ATXN1: variants seen among roughly 807,000 people sequenced by gnomAD.
ATXN1 encodes ataxin 1.
Under a neutral mutation model 56.4 loss-of-function variants are expected in ATXN1, and 8 were observed. The observed-to-expected ratio is 0.14, with a 90% CI of 0.08 to 0.26. ATXN1 has a LOEUF of 0.26. Among genes scored for constraint, ATXN1 ranks in the 10% least tolerant of loss-of-function variants. The probability of loss-of-function intolerance (pLI) is 1.00; values close to 1 mark genes in which losing one functional copy is unlikely to be tolerated. For missense variants in ATXN1, 987 were observed against 1,106.5 expected (o/e 0.89, Z 1.53); for synonymous variants, 514 against 494.6 (o/e 1.04, Z -0.52).
chr6:16,359,463 C>A (rs761555923), intron 6 of ATXN1, among the ~76,000 whole-genome samples: 2 of 152,110 alleles, frequency 1.3e-5, no homozygotes, highest in Non-Finnish European at 2.9e-5. Flanking sequence ...GGAGTACCCT[C>A]TCTGCTGATA....
At chr6:16,718,044 C>T (rs1759673412) in intron 2 of ATXN1, among the ~76,000 whole-genome samples, 1 of 152,206 alleles carries the variant, frequency 6.6e-6, no homozygotes, top group Non-Finnish European at 1.5e-5. Flanking sequence ...ATAAGAGCAA[C>T]AGCCAAATAT....
At chr6:16,678,100 A>G in intron 2 of ATXN1, among the ~76,000 whole-genome samples, 1 of 152,246 alleles carries the variant, frequency 6.6e-6, no homozygotes, top group East Asian at 1.9e-4. Context: ...AGGGAAAAAA[A>G]AGTCTCTTCA....
intron 4 of ATXN1, among the ~76,000 whole-genome samples, chr6:16,546,956 T>C (rs1334796540): frequency 6.6e-6 from 1 of 152,200 alleles, no homozygotes. Flanking sequence ...ATAATATAAA[T>C]CAACATTTCC....
chr6:16,751,673 A>C (rs1760722930), intron 2 of ATXN1, among the ~76,000 whole-genome samples: 1 of 152,178 alleles, frequency 6.6e-6, no homozygotes, highest in Non-Finnish European at 1.5e-5. Context: ...AACAAATAAA[A>C]GGCTCCTTGG....
intron 6 of ATXN1, among the ~76,000 whole-genome samples, chr6:16,448,604 T>C (rs1759681643): frequency 2.0e-5 from 3 of 152,234 alleles, no homozygotes; most frequent in South Asian, 4.1e-4. Context: ...CTATGAGTCT[T>C]AGCACAGAGA....
At chr6:16,374,253 G>A (rs368527516) in intron 6 of ATXN1, among the ~76,000 whole-genome samples, 15 of 151,978 alleles carry the variant, frequency 9.9e-5, no homozygotes, top group East Asian at 5.8e-4. Flanking sequence ...TCAGTTAAGT[G>A]CAAAAATTGA....
intron 7 of ATXN1, among the ~76,000 whole-genome samples, chr6:16,311,734 A>C (rs928580214): frequency 1.4e-5 from 2 of 138,554 alleles, no homozygotes; most frequent in African/African-American, 6.0e-5. Flanking sequence ...CAAACCTCTT[A>C]GAGTCATTAA....
In ATXN1 at chr6:16,327,736, C is replaced by G. The variant is rs746463571; in HGVS notation, c.575G>C (p.Gly192Ala). 13 of 1,592,452 alleles carry G rather than the reference C, an allele frequency of 8.2e-6. No individual in the cohort carries two copies. The highest frequency in any genetic ancestry group is 6.0e-6 in the Non-Finnish European group (7 of 1,171,750). Reference sequence around the variant, plus strand: ...CTGCTGCTGCTGCTCAGCCTTGTGTCCCGGCGTCTGGCTCAGACTGCCCAT... The same window carrying G: ...CTGCTGCTGCTGCTCAGCCTTGTGTGCCGGCGTCTGGCTCAGACTGCCCAT... ...ANMGSLSQTP[G>A]HKAEQQQQQQ... The change falls in exon 7 of 8, where the codon GGA (glycine) becomes GCA (alanine). Residue 192 changes from glycine (G) to alanine (A), a missense_variant. Coordinates refer to ENST00000436367, the MANE Select transcript of ATXN1 (RefSeq NM_001128164.2).
intron 3 of ATXN1, chr6:16,653,015 A>G (rs1411089989): frequency 6.6e-6 from 1 of 152,138 alleles, no homozygotes; most frequent in Non-Finnish European, 1.5e-5. Context: ...CAGCCAAATA[A>G]AAGAGAAAAA....
intron 6 of ATXN1, among the ~76,000 whole-genome samples, chr6:16,375,997 G>GTGCCCCATGGCACAGC (rs1455798041): frequency 6.6e-6 from 1 of 152,222 alleles, no homozygotes; most frequent in Non-Finnish European, 1.5e-5. Flanking sequence ...CTGGGCACTG[G>GTGCCCCATGGCACAGC]TGCCCCATGG....
At chr6:16,526,915 C>A (rs888541206) in intron 4 of ATXN1, among the ~76,000 whole-genome samples, 6 of 151,350 alleles carry the variant, frequency 4.0e-5, no homozygotes, top group African/African-American at 1.5e-4. Flanking sequence ...TTGTTTCAGC[C>A]CAATCATGGT....
At position 16,306,065 on chromosome 6, in the gene ATXN1, G is replaced by C. The variant is rs1760238807; in HGVS notation, c.*264C>G. On this transcript the variant is annotated 3_prime_UTR_variant, in exon 8 of 8. Transcript: ENST00000436367. The surrounding 1 kb of genome is among the most constrained non-coding windows in gnomAD (Gnocchi z 5.2). Reference sequence around the variant, plus strand: ...GAGAAGGCAGGCACTGTGAAGCCCCGTTCCTTTCTTCCCCGGGGATGCCTG... The same window carrying C: ...GAGAAGGCAGGCACTGTGAAGCCCCCTTCCTTTCTTCCCCGGGGATGCCTG... The C allele has an allele frequency of 2.8e-6, 1 of 351,070 alleles. No individual in the cohort carries two copies. Among genetic ancestry groups the C allele is most frequent in the Non-Finnish European group, 5.3e-6 (1 of 189,226 alleles). 21.7% of individuals were successfully genotyped at this position (351,070 alleles called of 1,614,324 possible).
chr6:16,550,188 A>G (rs1233770575), intron 4 of ATXN1, among the ~76,000 whole-genome samples: 2 of 151,316 alleles, frequency 1.3e-5, no homozygotes, highest in East Asian at 1.9e-4. Context: ...TAGGCATGCA[A>G]TGCTTATGGA....
chr6:16,517,357 G>A (rs1761201771), intron 5 of ATXN1, among the ~76,000 whole-genome samples: 1 of 152,196 alleles, frequency 6.6e-6, no homozygotes, highest in South Asian at 2.1e-4. Flanking sequence ...CCAGCCACTT[G>A]ACCTCTTCAT....
chr6:16,606,464 T>C (rs1244112040), intron 3 of ATXN1, among the ~76,000 whole-genome samples: 1 of 151,992 alleles, frequency 6.6e-6, no homozygotes, highest in African/African-American at 2.4e-5. Flanking sequence ...ATGCAGGGGA[T>C]AATGGGCAGC....
chr6:16,475,849 C>T (rs909681302), intron 6 of ATXN1, among the ~76,000 whole-genome samples: 15 of 151,696 alleles, frequency 9.9e-5, no homozygotes, highest in Admixed American at 9.9e-4. Context: ...CCAAGGTGTC[C>T]CTATCTTCTC....
At chr6:16,741,317 A>G (rs1383869006) in intron 2 of ATXN1, among the ~76,000 whole-genome samples, 1 of 152,170 alleles carries the variant, frequency 6.6e-6, no homozygotes, top group African/African-American at 2.4e-5. Context: ...CTGTGGTTTT[A>G]AAGGCTGTAG....
chr6:16,312,988 CTG>C (rs1760434984), intron 7 of ATXN1, among the ~76,000 whole-genome samples: 1 of 152,182 alleles, frequency 6.6e-6, no homozygotes, highest in Admixed American at 6.5e-5. Context: ...AGCTATTCTC[CTG>C]TCTCAGCCTC....
chr6:16,739,025 G>A (rs552660476), intron 2 of ATXN1: 2 of 151,790 alleles, frequency 1.3e-5, no homozygotes, highest in Non-Finnish European at 2.9e-5. Context: ...ACATTCCATG[G>A]GCTGAACTCC....
Sources: gnomAD v4.1 joint callset for allele counts (sites outside exome capture counted in the v4.1 genomes callset) on GRCh38, gnomAD v4.1.1 for gene constraint, Gnocchi (gnomAD v3.1) non-coding constraint, MANE v1.5 for transcripts, NCBI Gene and HGNC (gene_info 2026-07-23, HGNC 2026-07-21) for gene names.